The following VWA3B variants were observed in gnomAD, a reference collection of about 807,000 sequenced individuals.
VWA3B encodes the protein von Willebrand factor A domain containing 3B.
VWA3B carries 138 observed loss-of-function variants against 158.3 expected under a neutral mutation model. The ratio of observed to expected loss-of-function variants is 0.87; its 90% CI spans 0.76 to 1.00. VWA3B has a LOEUF of 1.00. Ranked by LOEUF, VWA3B falls within the 50% of genes least tolerant of loss-of-function variation. VWA3B has a pLI of 0.00. For synonymous variants in VWA3B, 596 were observed against 587.3 expected (o/e 1.01, Z -0.21); for missense variants, 1,555 against 1,565.1 (o/e 0.99, Z 0.11).
intron 22 of VWA3B, among the ~76,000 whole-genome samples, chr2:98,287,548 T>C (rs1484951064): frequency 1.3e-5 from 2 of 152,154 alleles, no homozygotes; most frequent in Non-Finnish European, 2.9e-5. Context: ...GGATTGGATA[T>C]TTCTGTTAAC....
chr2:98,138,864 C>G (rs1010097134), intron 7 of VWA3B, among the ~76,000 whole-genome samples: 1 of 152,278 alleles, frequency 6.6e-6, no homozygotes, highest in Non-Finnish European at 1.5e-5. Flanking sequence ...GCCTCGCTCA[C>G]TCTCAGTGCC....
intron 19 of VWA3B, among the ~76,000 whole-genome samples, chr2:98,238,780 TC>T (rs1685873467): frequency 6.6e-6 from 1 of 152,140 alleles, no homozygotes; most frequent in African/African-American, 2.4e-5. Flanking sequence ...CGTGTGTGTA[TC>T]AGTATAAAGC....
chr2:98,288,077 A>G (rs62155278), intron 22 of VWA3B, among the ~76,000 whole-genome samples: 5,930 of 152,298 alleles, frequency 0.039, 168 homozygotes, highest in Middle Eastern at 0.075. Context: ...TGCTAATTCA[A>G]GGTCTTGATC....
At chr2:98,133,089 C>T (rs931899392) in intron 6 of VWA3B, among the ~76,000 whole-genome samples, 2 of 152,174 alleles carry the variant, frequency 1.3e-5, no homozygotes, top group Admixed American at 6.5e-5. Flanking sequence ...AGTTAAGTGG[C>T]TTTGAGGGTG....
intron 2 of VWA3B, among the ~76,000 whole-genome samples, chr2:98,094,696 A>T (rs140082317): frequency 1.2e-4 from 19 of 152,088 alleles, no homozygotes; most frequent in Admixed American, 1.2e-3. Flanking sequence ...AAAAATCATC[A>T]CCCAGATCGA....
At position 98,131,393 on chromosome 2, in the gene VWA3B, T is replaced by C. The variant is rs905385543; in HGVS notation, c.873-2431T>C. Among the ~76,000 whole-genome samples, 17 of 152,346 alleles carry C rather than the reference T, an allele frequency of 1.1e-4. No individual in the cohort carries two copies. The East Asian group carries it at 3.1e-3, about 28-fold the overall frequency. ...GATTCCGTATCTTGGCTATTGTGAA[T>C]AGTGCTGTAATAAACACAGGGTGCA... On this transcript the variant is annotated intron_variant, in intron 6 of 27. Transcript: ENST00000477737.
At chr2:98,238,852 T>G (rs1384828052) in intron 19 of VWA3B, among the ~76,000 whole-genome samples, 1 of 151,608 alleles carries the variant, frequency 6.6e-6, no homozygotes, top group Non-Finnish European at 1.5e-5. Flanking sequence ...ATCCATACCA[T>G]AAGGGAATGA....
At chr2:98,270,276 T>C (rs1688116642) in intron 21 of VWA3B, among the ~76,000 whole-genome samples, 1 of 152,276 alleles carries the variant, frequency 6.6e-6, no homozygotes, top group Non-Finnish European at 1.5e-5. Flanking sequence ...TGTTTTGCTT[T>C]GCTTTGTTTT....
rs185750136 is a variant in VWA3B at position 98,301,222 on chromosome 2, A to T, written c.3420+1006A>T. Among the ~76,000 whole-genome samples, 1,172 of 151,414 alleles carry T rather than the reference A, an allele frequency of 7.7e-3. 14 individuals carry two copies. The highest frequency in any genetic ancestry group is 0.027 in the African/African-American group (1,108 of 41,220). ...GGAGAATGGCGTGAACCTGGGAGGCAGAGCTTGCAGTGAGCCGAGATCACA... is the reference window on the plus strand; with the variant it reads ...GGAGAATGGCGTGAACCTGGGAGGCTGAGCTTGCAGTGAGCCGAGATCACA... On this transcript the variant is annotated intron_variant, in intron 25 of 27. Transcript: ENST00000477737.
intron 12 of VWA3B, among the ~76,000 whole-genome samples, chr2:98,207,944 A>T (rs2105518205): frequency 6.6e-6 from 1 of 152,250 alleles, no homozygotes; most frequent in East Asian, 1.9e-4. Flanking sequence ...GACTCTACCT[A>T]TTTTATCTAT....
At chr2:98,280,720 T>C (rs62157915) in intron 22 of VWA3B, among the ~76,000 whole-genome samples, 5,905 of 152,304 alleles carry the variant, frequency 0.039, 164 homozygotes, top group Middle Eastern at 0.075. Flanking sequence ...TGCTATGCCC[T>C]GGGGAGGCGG....
At chr2:98,285,716 G>T (rs1689131184) in intron 22 of VWA3B, among the ~76,000 whole-genome samples, 1 of 150,206 alleles carries the variant, frequency 6.7e-6, no homozygotes, top group South Asian at 2.1e-4. Flanking sequence ...ACATTTTTTG[G>T]GGGGTCATCT....
chr2:98,228,326 A>G lies in VWA3B; in HGVS notation c.2144A>G (p.Asp715Gly). 6.2e-7 allele frequency: 1 copy of G among 1,612,750 alleles called. No individual in the cohort carries two copies. The highest frequency in any genetic ancestry group is 8.5e-7 in the Non-Finnish European group (1 of 1,179,218). ...TGGTACAATGCAGAAAAGGATGGAGACAGCAAGTGAGCACCTCTGCCCGCC... is the reference window on the plus strand; with the variant it reads ...TGGTACAATGCAGAAAAGGATGGAGGCAGCAAGTGAGCACCTCTGCCCGCC... ...DWWYNAEKDG[D>G]SKHQKEICSM... Residue 715 changes from aspartate to glycine, a missense_variant, in exon 15 of 28, where the codon GAC (aspartate) becomes GGC (glycine). Asp to Gly is a moderately conservative substitution (Grantham distance 94). Transcript: ENST00000477737.
intron 7 of VWA3B, among the ~76,000 whole-genome samples, chr2:98,134,691 C>T (rs111832043): frequency 9.9e-5 from 15 of 151,992 alleles, no homozygotes; most frequent in Non-Finnish European, 2.2e-4. Context: ...CACTCTCCCT[C>T]TTTTTAAATT....
rs536213759 is a variant in VWA3B at position 98,186,319 on chromosome 2, A to T, written c.1312-1656A>T. ...TCTGATCGCTTCTCTGTCTACACTCATTTCCTGGGTGGTCTCCTCCAGTCC... is the reference window on the plus strand; with the variant it reads ...TCTGATCGCTTCTCTGTCTACACTCTTTTCCTGGGTGGTCTCCTCCAGTCC... On this transcript the variant is annotated intron_variant, in intron 9 of 27. Transcript: ENST00000477737. 2.0e-5 allele frequency among the ~76,000 whole-genome samples: 3 copies of T among 151,418 alleles called. No homozygotes were observed. The East Asian group carries it at 5.8e-4, about 29-fold the overall frequency.
chr2:98,092,470 C>T (rs1271986679), intron 1 of VWA3B, among the ~76,000 whole-genome samples: 1 of 152,102 alleles, frequency 6.6e-6, no homozygotes, highest in Non-Finnish European at 1.5e-5. Flanking sequence ...TGGTGAAACC[C>T]CATTTCCACT....
intron 22 of VWA3B, among the ~76,000 whole-genome samples, chr2:98,276,932 T>C (rs1688563936): frequency 6.6e-6 from 1 of 152,184 alleles, no homozygotes; most frequent in Admixed American, 6.5e-5. Context: ...TTCATGATTT[T>C]TCTGTCAGTA....
At chr2:98,259,969 A>G (rs1300316658) in intron 21 of VWA3B, among the ~76,000 whole-genome samples, 8 of 151,612 alleles carry the variant, frequency 5.3e-5, no homozygotes, top group African/African-American at 1.9e-4. Context: ...TAATTTCTCT[A>G]GTAATTTCTT....
chr2:98,116,524 T>C (rs1007093504), intron 3 of VWA3B, among the ~76,000 whole-genome samples: 6 of 152,214 alleles, frequency 3.9e-5, no homozygotes, highest in Non-Finnish European at 8.8e-5. Flanking sequence ...CTTTTTCTTT[T>C]GAGACACTTT....
Sources: gnomAD v4.1 joint callset for allele counts (sites outside exome capture counted in the v4.1 genomes callset) on GRCh38, gnomAD v4.1.1 for gene constraint, MANE v1.5 for transcripts, NCBI Gene and HGNC (gene_info 2026-07-23, HGNC 2026-07-21) for gene names.